The following KCNIP4 variants were observed in gnomAD, a reference collection of about 807,000 sequenced individuals.
The protein encoded by KCNIP4 is potassium voltage-gated channel interacting protein 4.
In KCNIP4, 12 loss-of-function variants were observed where a neutral mutation model predicts 34.0. That is an observed-to-expected ratio of 0.35 (90% CI 0.23 to 0.57). The LOEUF is 0.57. Among genes scored for constraint, KCNIP4 ranks in the 20% least tolerant of loss-of-function variants. KCNIP4 has a pLI of 0.83. For synonymous variants in KCNIP4, 124 were observed against 102.2 expected (o/e 1.21, Z -1.29); for missense variants, 238 against 311.7 (o/e 0.76, Z 1.78).
chr4:21,100,172 G>C (rs1747811528), intron 1 of KCNIP4, among the ~76,000 whole-genome samples: 1 of 152,174 alleles, frequency 6.6e-6, no homozygotes, highest in South Asian at 2.1e-4. Flanking sequence ...CAAGTAAAAT[G>C]TTATCAGACA....
At chr4:21,623,401 T>A (rs1745115294) in intron 1 of KCNIP4, among the ~76,000 whole-genome samples, 1 of 152,204 alleles carries the variant, frequency 6.6e-6, no homozygotes, top group South Asian at 2.1e-4. Context: ...GCATTCATGT[T>A]TTTATCCTAC....
intron 1 of KCNIP4, among the ~76,000 whole-genome samples, chr4:21,135,292 G>A (rs181955524): frequency 1.4e-3 from 209 of 152,334 alleles, no homozygotes; most frequent in African/African-American, 4.8e-3. Flanking sequence ...ATGGACTGGT[G>A]CTAGGTAAGA....
At chr4:21,261,753 C>T (rs1276886778) in intron 1 of KCNIP4, among the ~76,000 whole-genome samples, 3 of 152,074 alleles carry the variant, frequency 2.0e-5, no homozygotes, top group South Asian at 4.1e-4. Context: ...GTGCCATCAA[C>T]CTCTTCCCAT....
chr4:20,790,333 T>A (rs1327064903), intron 3 of KCNIP4, among the ~76,000 whole-genome samples: 1 of 152,170 alleles, frequency 6.6e-6, no homozygotes, highest in Non-Finnish European at 1.5e-5. Context: ...GACATTGCTG[T>A]ACACTACTGT....
chr4:21,303,946 T>G, intron 1 of KCNIP4: 2 of 1,610,356 alleles, frequency 1.2e-6, no homozygotes, highest in Non-Finnish European at 1.7e-6. Flanking sequence ...CACTGAGAAG[T>G]GCTCCTCTGC....
At chr4:21,026,564 G>T (rs1366965411) in intron 1 of KCNIP4, among the ~76,000 whole-genome samples, 5 of 152,174 alleles carry the variant, frequency 3.3e-5, no homozygotes, top group Non-Finnish European at 7.3e-5. Context: ...TGAGGTGGGA[G>T]GATTGTTTGA....
At chr4:21,131,170 A>G (rs1450413821) in intron 1 of KCNIP4, among the ~76,000 whole-genome samples, 1 of 152,230 alleles carries the variant, frequency 6.6e-6, no homozygotes, top group Non-Finnish European at 1.5e-5. Flanking sequence ...GTCCATCAGC[A>G]GCAAAACGGA....
intron 3 of KCNIP4, among the ~76,000 whole-genome samples, chr4:20,765,296 C>G (rs1755299011): frequency 6.6e-6 from 1 of 152,086 alleles, no homozygotes; most frequent in African/African-American, 2.4e-5. Flanking sequence ...GGACTGAAAA[C>G]ATAGTCTCCT....
intron 1 of KCNIP4, among the ~76,000 whole-genome samples, chr4:21,234,850 G>C (rs891045386): frequency 6.6e-5 from 10 of 151,726 alleles, no homozygotes; most frequent in African/African-American, 2.4e-4. Flanking sequence ...GTTTTATCAT[G>C]TTGTCCAGGC....
chr4:21,600,979 T>C (rs370979028), intron 1 of KCNIP4, among the ~76,000 whole-genome samples: 3 of 151,858 alleles, frequency 2.0e-5, no homozygotes, highest in Non-Finnish European at 4.4e-5. Flanking sequence ...TAAAAAAATC[T>C]TACTAAAGAA....
intron 1 of KCNIP4, among the ~76,000 whole-genome samples, chr4:21,458,059 T>G (rs77291556): frequency 0.015 from 2,230 of 151,594 alleles, 60 homozygotes; most frequent in African/African-American, 0.051. Flanking sequence ...TAGTTACATA[T>G]GTATACATGT....
chr4:21,871,105 G>T (rs1725768662), intron 1 of KCNIP4, among the ~76,000 whole-genome samples: 1 of 145,004 alleles, frequency 6.9e-6, no homozygotes, highest in South Asian at 2.2e-4. Flanking sequence ...CAAGAGCCCA[G>T]TTTTTTTTTT....
At chr4:21,857,285 C>A (rs891466794) in intron 1 of KCNIP4, among the ~76,000 whole-genome samples, 4 of 152,132 alleles carry the variant, frequency 2.6e-5, no homozygotes, top group African/African-American at 9.7e-5. Context: ...GCTACCTACC[C>A]CCAGGGTCTC....
intron 1 of KCNIP4, among the ~76,000 whole-genome samples, chr4:21,946,202 G>A: frequency 6.6e-6 from 1 of 151,786 alleles, no homozygotes; most frequent in East Asian, 1.9e-4. Flanking sequence ...CTCTAAGTCA[G>A]GTCATAAAAT....
intron 1 of KCNIP4, among the ~76,000 whole-genome samples, chr4:21,066,763 A>G (rs189481299): frequency 9.9e-4 from 150 of 152,272 alleles, no homozygotes; most frequent in Non-Finnish European, 1.5e-3. Flanking sequence ...AAGCCCTGCC[A>G]CCATGGGCAA....
chr4:21,368,926 CCTT>C (rs1313865004), intron 1 of KCNIP4, among the ~76,000 whole-genome samples: 1 of 147,216 alleles, frequency 6.8e-6, no homozygotes, highest in Non-Finnish European at 1.5e-5. Context: ...ATTCATCTGT[CCTT>C]CTATCCATCC....
chr4:21,151,688 T>C (rs1230965571), intron 1 of KCNIP4, among the ~76,000 whole-genome samples: 1 of 152,086 alleles, frequency 6.6e-6, no homozygotes, highest in African/African-American at 2.4e-5. Flanking sequence ...AGCATATTAA[T>C]TTTGAGGGGC....
intron 1 of KCNIP4, among the ~76,000 whole-genome samples, chr4:21,728,841 C>T (rs1201350321): frequency 6.6e-6 from 1 of 152,070 alleles, no homozygotes; most frequent in Non-Finnish European, 1.5e-5. Context: ...GCTCAAGATT[C>T]AACTTTTCAA....
intron 1 of KCNIP4, among the ~76,000 whole-genome samples, chr4:21,338,283 A>G: frequency 6.6e-6 from 1 of 151,428 alleles, no homozygotes; most frequent in East Asian, 2.0e-4. Flanking sequence ...AAAAAAAAAA[A>G]AAAAGACTTT....
Sources: gnomAD v4.1 joint callset for allele counts (sites outside exome capture counted in the v4.1 genomes callset) on GRCh38, gnomAD v4.1.1 for gene constraint, MANE v1.5 for transcripts, NCBI Gene and HGNC (gene_info 2026-07-23, HGNC 2026-07-21) for gene names.